LAMA1: variants seen among roughly 807,000 people sequenced by gnomAD.
LAMA1 encodes the protein laminin subunit alpha 1.
In LAMA1, 219 loss-of-function variants were observed where a neutral mutation model predicts 348.7. The observed-to-expected ratio is 0.63, with a 90% CI of 0.56 to 0.70. The LOEUF (loss-of-function observed/expected upper bound fraction) is 0.70. Ranked by LOEUF, LAMA1 falls within the 30% of genes least tolerant of loss-of-function variation. LAMA1 has a pLI of 0.00. For synonymous variants in LAMA1, 1,487 were observed against 1,491.0 expected, an observed-to-expected ratio of 1.00 and a Z score of 0.06; for missense variants, 3,744 against 3,888.0, an observed-to-expected ratio of 0.96 and a Z score of 0.99.
At chr18:7,046,436 C>T in intron 5 of LAMA1, 69 bp from the exon 6 acceptor site, 1 of 866,794 alleles carries the variant, frequency 1.2e-6, no homozygotes, top group Non-Finnish European at 1.9e-6. Context: ...TGTTGGCACA[C>T]CAACAAATAT....
At chr18:7,064,998 G>T (rs1361189737) in intron 3 of LAMA1, among the ~76,000 whole-genome samples, 40 of 152,072 alleles carry the variant, frequency 2.6e-4, no homozygotes, top group Non-Finnish European at 5.9e-5. Flanking sequence ...CACTTTGGGA[G>T]GGGGGCAGGT....
intron 14 of LAMA1, 53 bp downstream of exon 14, chr18:7,034,426 C>T (rs936262405): frequency 6.1e-6 from 8 of 1,306,610 alleles, no homozygotes; most frequent in African/African-American, 1.5e-5. Flanking sequence ...AATAAACAAA[C>T]ATAAAATGGA....
intron 1 of LAMA1, among the ~76,000 whole-genome samples, chr18:7,113,628 G>A (rs980577957): frequency 7.9e-5 from 12 of 152,176 alleles, no homozygotes; most frequent in Non-Finnish European, 1.6e-4. Context: ...TATCGAGATG[G>A]TGTTTCTAGA....
intron 4 of LAMA1, among the ~76,000 whole-genome samples, chr18:7,049,462 G>A (rs1036746677): frequency 2.0e-5 from 3 of 152,074 alleles, no homozygotes; most frequent in Admixed American, 6.6e-5. Context: ...ACCACGCCCA[G>A]CTAATTTTTG....
chr18:7,098,540 G>A (rs1262726035), intron 1 of LAMA1, among the ~76,000 whole-genome samples: 146 of 132,340 alleles, frequency 1.1e-3, no homozygotes, highest in African/African-American at 4.1e-3. Context: ...GCCCGGCTGC[G>A]ACCCCGTCTG....
At chr18:6,955,517 C>A (rs745896632) in intron 56 of LAMA1, 52 bp from the exon 57 acceptor site, 4 of 1,327,096 alleles carry the variant, frequency 3.0e-6, no homozygotes, top group Non-Finnish European at 4.3e-6. Flanking sequence ...CCGAACCCCA[C>A]TGACACACGC....
intron 33 of LAMA1, among the ~76,000 whole-genome samples, chr18:6,996,865 C>T (rs1406312489): frequency 6.6e-6 from 1 of 152,054 alleles, no homozygotes; most frequent in South Asian, 2.1e-4. Context: ...TTTCTTAACT[C>T]CTCACCCTTT....
rs1186112151 is a variant in LAMA1, at chr18:7,037,712, T to C, written c.1603A>G (p.Ser535Gly). 5 of 1,614,090 alleles carry C rather than the reference T, an allele frequency of 3.1e-6. No individual in the cohort carries two copies. The highest frequency in any genetic ancestry group is 4.2e-6 in the Non-Finnish European group (5 of 1,180,052). ...MSGWLVTDLI[S>G]PRKIPSQQDA... ...TGCTGAGACGGGATCTTCCTGGGAC[T>C]GATCAAGTCGGTGACCAGCCACCCG... The change falls in exon 12 of 63, where the codon AGT becomes GGT. Residue 535 changes from serine to glycine, a missense_variant. Coordinates refer to ENST00000389658, the MANE Select transcript of LAMA1 (RefSeq NM_005559.4).
chr18:7,115,619 CACA>C (rs2143843691), intron 1 of LAMA1, among the ~76,000 whole-genome samples: 1 of 150,706 alleles, frequency 6.6e-6, no homozygotes, highest in African/African-American at 2.4e-5. Flanking sequence ...GACCAAAACA[CACA>C]ACTTTACAAA....
intron 41 of LAMA1, 152 bp downstream of exon 41, chr18:6,982,345 G>A (rs1406309503): frequency 1.3e-6 from 1 of 779,202 alleles, no homozygotes; most frequent in Non-Finnish European, 2.3e-6. Context: ...TATACGATAG[G>A]AAAATTTATA....
rs146473322 is a variant in LAMA1, at chr18:7,111,175, A to T, written c.61+6485T>A. Reference sequence around the variant, plus strand: ...TGGGCCAGCAGATCAGACTTCAAAGATAACTTCTGGAATGAAGAGATTCAA... The same window carrying T: ...TGGGCCAGCAGATCAGACTTCAAAGTTAACTTCTGGAATGAAGAGATTCAA... On this transcript the variant is annotated intron_variant, in intron 1 of 62. Transcript: ENST00000389658. Among the ~76,000 whole-genome samples the T allele has an allele frequency of 6.6e-4, 100 of 152,306 alleles. 2 individuals carry two copies. In the East Asian group the frequency reaches 0.019, roughly 29 times the overall value.
At chr18:6,946,973 T>C (rs2057524337) in intron 61 of LAMA1, among the ~76,000 whole-genome samples, 190 bp downstream of exon 61, 1 of 152,264 alleles carries the variant, frequency 6.6e-6, no homozygotes, top group Non-Finnish European at 1.5e-5. Context: ...TATAAAAAGT[T>C]ATTTTTGAAA....
intron 61 of LAMA1, among the ~76,000 whole-genome samples, chr18:6,945,658 T>G (rs540524257): frequency 6.6e-6 from 1 of 152,164 alleles, no homozygotes; most frequent in African/African-American, 2.4e-5. Flanking sequence ...CTGTGTGGCT[T>G]GGCAGAAATC....
At chr18:6,977,666 T>G in intron 44 of LAMA1, 61 bp downstream of exon 44, 1 of 1,602,016 alleles carries the variant, frequency 6.2e-7, no homozygotes, top group Non-Finnish European at 8.5e-7. Flanking sequence ...TCTGCATGAA[T>G]TCCCTGGGAC....
At chr18:7,107,796 C>G (rs1298846075) in intron 1 of LAMA1, among the ~76,000 whole-genome samples, 1 of 151,724 alleles carries the variant, frequency 6.6e-6, no homozygotes, top group African/African-American at 2.4e-5. Flanking sequence ...GGGCAGATCA[C>G]GAGGTCAGGA....
At chr18:7,102,414 TC>T (rs1025468018) in intron 1 of LAMA1, among the ~76,000 whole-genome samples, 1 of 150,088 alleles carries the variant, frequency 6.7e-6, no homozygotes, top group South Asian at 2.1e-4. Flanking sequence ...CAGGTAGAGT[TC>T]CCTTAAAAAA....
intron 60 of LAMA1, 79 bp from the exon 61 acceptor site, chr18:6,947,375 T>A (rs1004937902): frequency 4.2e-5 from 66 of 1,571,240 alleles, no homozygotes; most frequent in Non-Finnish European, 5.6e-5. Context: ...TGGCTAGGGG[T>A]TGGGGGACCT....
chr18:6,961,538 CG>C, intron 53 of LAMA1, 47 bp downstream of exon 53: 2 of 1,607,104 alleles, frequency 1.2e-6, no homozygotes, highest in South Asian at 2.2e-5. Context: ...CATTGTTTCC[CG>C]AAGTAATTTC....
intron 33 of LAMA1, 29 bp from the exon 34 acceptor site, chr18:6,995,475 A>T (rs779054740): frequency 8.5e-7 from 1 of 1,175,104 alleles, no homozygotes; most frequent in Non-Finnish European, 1.3e-6. Flanking sequence ...ACAAATTACA[A>T]TGCTTCGAAG....
Sources: allele counts gnomAD v4.1 joint callset (sites outside exome capture counted in the v4.1 genomes callset), GRCh38; gene constraint gnomAD v4.1.1; transcripts MANE v1.5; gene names NCBI Gene and HGNC (gene_info 2026-07-23, HGNC 2026-07-21).